Variants in DAPK1 observed in about 807,000 individuals in gnomAD.
DAPK1 encodes death-associated protein kinase 1.
DAPK1 carries 56 observed loss-of-function variants against 144.9 expected under a neutral mutation model. That is an observed-to-expected ratio of 0.39 (90% confidence interval 0.31 to 0.48). The LOEUF is 0.48. DAPK1 is among the 20% of genes least tolerant of loss of function. The pLI is 0.95. For missense variants in DAPK1, 1,454 were observed against 1,875.4 expected, an observed-to-expected ratio of 0.78 and a Z score of 4.15; for synonymous variants, 690 against 749.0, an observed-to-expected ratio of 0.92 and a Z score of 1.29.
At chr9:87,523,046 T>C (rs1034795253) in intron 2 of DAPK1, among the ~76,000 whole-genome samples, 1 of 152,096 alleles carries the variant, frequency 6.6e-6, no homozygotes, top group African/African-American at 2.4e-5. Flanking sequence ...TTTGGCATTG[T>C]TTCTGGTACT....
At position 87,612,815 on chromosome 9, in the gene DAPK1, CATAAG is replaced by C. The variant is rs575873581; in HGVS notation, c.284+7646_284+7650del. 7.2e-5 allele frequency among the ~76,000 whole-genome samples: 11 copies of C among 152,268 alleles called. No individual in the cohort carries two copies. In the South Asian group the frequency reaches 1.9e-3, roughly 26 times the overall value. On this transcript the variant is annotated intron_variant, in intron 3 of 25. Transcript: ENST00000408954. ...GCGGGGGTGGGGGTTTGGAGTCTAA[CATAAG>C]ATAAGGAAGAAATGGACATCACCAG...
Position 87,698,788 on chromosome 9 carries a change from G to A in DAPK1, c.2744G>A (p.Arg915Lys). Residue 915 changes from arginine to lysine, a missense_variant, in exon 23 of 26, where the codon AGG (arginine) becomes AAG (lysine). Around this residue, in one of 2 missense-constraint regions of DAPK1, gnomAD observed 1,025 missense variants for 1,237.9 expected, o/e 0.83. Coordinates refer to ENST00000408954, the MANE Select transcript of DAPK1 (RefSeq NM_004938.4). The stretch of plus-strand genomic sequence containing the variant: ...GACACATCGTTGCTGAAAGAGATTA[G>A]GAACAGGTGAGGGGCAGCCACTTAG... ...DKDTSLLKEI[R>K]NRFGNDLHIS... The A allele has an allele frequency of 1.1e-5, 17 of 1,605,052 alleles. No homozygotes were observed. The highest frequency in any genetic ancestry group is 1.5e-5 in the Non-Finnish European group (17 of 1,171,908).
intron 24 of DAPK1, among the ~76,000 whole-genome samples, chr9:87,700,508 A>AT (rs1350961572): frequency 1.3e-5 from 2 of 152,010 alleles, no homozygotes; most frequent in Non-Finnish European, 1.5e-5. Context: ...TATTTATTTT[A>AT]TTTTTTCAGA....
intron 2 of DAPK1, among the ~76,000 whole-genome samples, chr9:87,593,822 C>T (rs1476672923): frequency 6.6e-6 from 1 of 152,140 alleles, no homozygotes; most frequent in Non-Finnish European, 1.5e-5. Context: ...TTAACTTTGA[C>T]CCACTGGCTG....
chr9:87,547,988 C>A (rs960432825), intron 2 of DAPK1, among the ~76,000 whole-genome samples: 2 of 152,174 alleles, frequency 1.3e-5, no homozygotes, highest in Admixed American at 6.5e-5. Context: ...CAGCTGGTGG[C>A]GGAAGTGCTG....
intron 2 of DAPK1, among the ~76,000 whole-genome samples, chr9:87,567,893 C>T (rs1284066024): frequency 6.6e-6 from 1 of 152,172 alleles, no homozygotes; most frequent in African/African-American, 2.4e-5. Flanking sequence ...CAAATGCTTT[C>T]GTGTTCACTT....
chr9:87,703,231 A>T lies in DAPK1; in HGVS notation c.3060+14A>T. On this transcript the variant is annotated intron_variant, in intron 25 of 25. Transcript: ENST00000408954. ...AGCACAGGCGAGGTGAGCCCCTGGG[A>T]GCCCAGGCAGGGGGCCGTGAGAGGT... is the stretch of plus-strand genomic sequence containing the variant. 6.4e-7 allele frequency: 1 copy of T among 1,562,224 alleles called. No homozygotes were observed. The highest frequency in any genetic ancestry group is 8.8e-7 in the Non-Finnish European group (1 of 1,134,084).
Position 87,682,252 on chromosome 9 carries a change from C to T in DAPK1, c.2224+626C>T, listed in dbSNP as rs571109129. Among the ~76,000 whole-genome samples, 3 of 152,318 alleles carry T rather than the reference C, an allele frequency of 2.0e-5. No individual in the cohort carries two copies. The South Asian group carries it at 6.2e-4, about 32-fold the overall frequency. ...CGTTTGCTGCCTTCCGGGCCTTCCA[C>T]AGACAGGGTTATTGATTCACATTAG... On this transcript the variant is annotated intron_variant, in intron 20 of 25. Transcript: ENST00000408954.
intron 19 of DAPK1, among the ~76,000 whole-genome samples, chr9:87,674,975 T>C (rs1824309762): frequency 6.6e-6 from 1 of 152,206 alleles, no homozygotes; most frequent in Admixed American, 6.5e-5. Context: ...CTGTAAGAGC[T>C]GTTCTAGGCA....
At chr9:87,629,378 G>GA (rs1829589244) in intron 3 of DAPK1, among the ~76,000 whole-genome samples, 2 of 152,362 alleles carry the variant, frequency 1.3e-5, no homozygotes, top group East Asian at 3.9e-4. Flanking sequence ...CCAAGCTTTA[G>GA]AGGGAGCATG....
rs200345598 is a variant in DAPK1, at chr9:87,707,102, A to C, written c.4031A>C (p.Asn1344Thr). 4.9e-4 allele frequency: 793 copies of C among 1,614,044 alleles called. 4 individuals are homozygous for C. The highest frequency in any genetic ancestry group is 3.5e-4 in the Non-Finnish European group (412 of 1,179,966). Residue 1344 changes from asparagine (N) to threonine (T), a missense_variant, in exon 26 of 26, where the codon AAC becomes ACC. Physicochemically the swap from Asn to Thr is moderately conservative, Grantham distance 65. This residue lies in a region of DAPK1 where 1,025 missense variants were observed against 1,237.9 expected (regional missense o/e 0.83). Coordinates refer to ENST00000408954, the MANE Select transcript of DAPK1 (RefSeq NM_004938.4). This position sits in a 1 kb window ranked among gnomAD's most constrained non-coding sequence, Gnocchi z 4.0. ...LGLPDLVAKY[N>T]TSNGAPKDFL... ...CTCCCTGACCTCGTGGCAAAGTACA[A>C]CACCAGTAACGGGGCTCCCAAGGAT... is the stretch of plus-strand genomic sequence containing the variant.
At chr9:87,652,990 T>TC (rs921963660) in intron 17 of DAPK1, among the ~76,000 whole-genome samples, 2 of 101,050 alleles carry the variant, frequency 2.0e-5, no homozygotes, top group African/African-American at 7.3e-5. Flanking sequence ...TCTGTGTCCA[T>TC]CCCCCCGATC....
intron 17 of DAPK1, among the ~76,000 whole-genome samples, chr9:87,657,158 G>C (rs1373969637): frequency 6.6e-6 from 1 of 152,116 alleles, no homozygotes; most frequent in Non-Finnish European, 1.5e-5. Flanking sequence ...TCTGTTCATT[G>C]AGTGGTTCAG....
chr9:87,700,951 ATATGACT>A (rs1466833202), intron 24 of DAPK1, among the ~76,000 whole-genome samples: 1 of 152,246 alleles, frequency 6.6e-6, no homozygotes, highest in Non-Finnish European at 1.5e-5. Flanking sequence ...GGGTTGCAAG[ATATGACT>A]ATTTTATTTT....
At chr9:87,565,324 C>T (rs1462530881) in intron 2 of DAPK1, among the ~76,000 whole-genome samples, 2 of 152,158 alleles carry the variant, frequency 1.3e-5, no homozygotes, top group Admixed American at 6.5e-5. Context: ...TGAAGCAAAA[C>T]GCTGAAGAAT....
intron 18 of DAPK1, among the ~76,000 whole-genome samples, chr9:87,659,801 C>A (rs114097529): frequency 3.9e-4 from 58 of 148,770 alleles, no homozygotes; most frequent in African/African-American, 1.4e-3. Context: ...ATTCTGCAGC[C>A]CCCTCAGTCA....
At chr9:87,633,016 A>AT (rs1441492508) in intron 3 of DAPK1, 2 of 980,192 alleles carry the variant, frequency 2.0e-6, no homozygotes, top group Admixed American at 1.2e-4. Context: ...GATGAGAAGG[A>AT]TGAGTATATA....
chr9:87,610,013 G>T (rs374516736), intron 3 of DAPK1, among the ~76,000 whole-genome samples: 12 of 152,056 alleles, frequency 7.9e-5, no homozygotes, highest in African/African-American at 2.9e-4. Flanking sequence ...ATGAACCACT[G>T]CCACTGACCC....
intron 2 of DAPK1, among the ~76,000 whole-genome samples, chr9:87,583,006 C>A (rs1587739229): frequency 6.6e-6 from 1 of 152,056 alleles, no homozygotes; most frequent in East Asian, 1.9e-4. Context: ...AAGCGGTTGA[C>A]CTCTGCGATC....
Sources: allele counts gnomAD v4.1 joint callset (sites outside exome capture counted in the v4.1 genomes callset), GRCh38; gene constraint gnomAD v4.1.1; regional missense constraint gnomAD v4.1.1; non-coding constraint Gnocchi (gnomAD v3.1); transcripts MANE v1.5; gene names NCBI Gene and HGNC (gene_info 2026-07-23, HGNC 2026-07-21).